EML6: variants seen among roughly 807,000 people sequenced by gnomAD.
EML6 encodes the protein echinoderm microtubule-associated protein-like 6.
EML6 carries 154 observed loss-of-function variants against 240.1 expected under a neutral mutation model. The observed-to-expected ratio is 0.64, with a 90% CI of 0.56 to 0.73. The LOEUF is 0.73. Ranked by LOEUF, EML6 falls within the 30% of genes least tolerant of loss-of-function variation. The probability of loss-of-function intolerance (pLI) is 0.00; values close to 1 mark genes in which losing one functional copy is unlikely to be tolerated. For synonymous variants in EML6, 1,148 were observed against 899.0 expected (o/e 1.28, Z -4.95); for missense variants, 2,964 against 2,474.6 (o/e 1.20, Z -4.20).
chr2:54,933,751 C>G (rs900386643), intron 28 of EML6, among the ~76,000 whole-genome samples: 2 of 151,696 alleles, frequency 1.3e-5, no homozygotes, highest in Non-Finnish European at 2.9e-5. Flanking sequence ...GAAAAAAAAA[C>G]CCACTAAAAA....
At chr2:54,850,276 G>A (rs1235313519) in intron 10 of EML6, 58 bp downstream of exon 10, 12 of 1,453,298 alleles carry the variant, frequency 8.3e-6, no homozygotes, top group Non-Finnish European at 1.0e-5. Flanking sequence ...ACCAGGTGAA[G>A]GAAATACAGG....
intron 2 of EML6, among the ~76,000 whole-genome samples, chr2:54,790,417 T>C (rs186254044): frequency 5.3e-5 from 8 of 152,340 alleles, no homozygotes; most frequent in Admixed American, 4.6e-4. Context: ...TGAGCTGTAC[T>C]CTGAATTGCA....
chr2:54,735,026 A>G (rs925784982), intron 2 of EML6, among the ~76,000 whole-genome samples: 1 of 152,134 alleles, frequency 6.6e-6, no homozygotes, highest in Non-Finnish European at 1.5e-5. Context: ...TGAATCTGGC[A>G]TCCTATTTTG....
intron 20 of EML6, 116 bp downstream of exon 20, chr2:54,895,142 ACT>A (rs1672695453): frequency 1.5e-6 from 2 of 1,313,668 alleles, no homozygotes; most frequent in African/African-American, 3.0e-5. Context: ...CATGTTTAGA[ACT>A]CTCTTCCTCT....
chr2:54,785,504 C>T (rs1669042372), intron 2 of EML6, among the ~76,000 whole-genome samples: 2 of 152,232 alleles, frequency 1.3e-5, no homozygotes, highest in African/African-American at 4.8e-5. Flanking sequence ...TTAAGGGATA[C>T]TCACAACACT....
At position 54,899,786 on chromosome 2, in the gene EML6, C is replaced by T; in HGVS notation, c.3124+4C>T. 1.3e-6 allele frequency: 2 copies of T among 1,549,510 alleles called. No individual in the cohort carries two copies. Among genetic ancestry groups the T allele is most frequent in the Non-Finnish European group, 1.7e-6 (2 of 1,145,704 alleles). On this transcript the variant is annotated splice_donor_region_variant and intron_variant, in intron 22 of 41. Coordinates refer to ENST00000356458, the MANE Select transcript of EML6 (RefSeq NM_001039753.4). ...GCAGTACGGAAACTCAAAAAAGGTA[C>T]ATAACACCACCTTACACATCTGTCA...
chr2:54,917,260 A>G (rs1216998031), intron 26 of EML6, among the ~76,000 whole-genome samples: 6 of 152,170 alleles, frequency 3.9e-5, no homozygotes, highest in Non-Finnish European at 7.4e-5. Flanking sequence ...TGAGGAACTT[A>G]ATATCACACA....
intron 2 of EML6, among the ~76,000 whole-genome samples, chr2:54,744,162 GT>G (rs1441060745): frequency 6.6e-6 from 1 of 152,068 alleles, no homozygotes; most frequent in Non-Finnish European, 1.5e-5. Context: ...AAATAATAAT[GT>G]AGCACACTTA....
At position 54,822,989 on chromosome 2, in the gene EML6, C is replaced by T. The variant is rs1668400034; in HGVS notation, c.525+2527C>T. 2.0e-5 allele frequency among the ~76,000 whole-genome samples: 3 copies of T among 152,160 alleles called. No individual in the cohort carries two copies. In the South Asian group the frequency reaches 6.2e-4, roughly 31 times the overall value. On this transcript the variant is annotated intron_variant, in intron 5 of 41. Coordinates refer to ENST00000356458, the MANE Select transcript of EML6 (RefSeq NM_001039753.4). ...AATCTAGGAAAACATCAGCTGAAAT[C>T]TAGGTAGTTTGCTTTATTAGCAGCA...
chr2:54,867,154 G>T (rs1429021955), intron 14 of EML6: 14 of 248,880 alleles, frequency 5.6e-5, no homozygotes. Context: ...GGGTGCTGCT[G>T]CTCATTGCTG....
At chr2:54,920,858 G>C (rs1284897511) in intron 26 of EML6, among the ~76,000 whole-genome samples, 1 of 152,094 alleles carries the variant, frequency 6.6e-6, no homozygotes, top group Non-Finnish European at 1.5e-5. Context: ...TTCGACATAT[G>C]CAAGTCAGTA....
chr2:54,878,388 C>G (rs900091552), intron 16 of EML6, among the ~76,000 whole-genome samples: 1 of 152,172 alleles, frequency 6.6e-6, no homozygotes, highest in Non-Finnish European at 1.5e-5. Context: ...AGCTTGATCA[C>G]TCGTCTCCTA....
chr2:54,791,792 G>T (rs1001323949), intron 2 of EML6, among the ~76,000 whole-genome samples: 1 of 152,108 alleles, frequency 6.6e-6, no homozygotes, highest in Admixed American at 6.6e-5. Context: ...TCCAGCCCTG[G>T]ATTATACTAC....
chr2:54,855,042 T>G (rs1218905131), intron 11 of EML6, among the ~76,000 whole-genome samples: 1 of 152,220 alleles, frequency 6.6e-6, no homozygotes, highest in East Asian at 1.9e-4. Flanking sequence ...CCCAAGTCTT[T>G]TAAGGTGTGC....
At chr2:54,823,679 A>G (rs1668434838) in intron 5 of EML6, among the ~76,000 whole-genome samples, 1 of 152,072 alleles carries the variant, frequency 6.6e-6, no homozygotes, top group Non-Finnish European at 1.5e-5. Context: ...GTTTCTGGAA[A>G]TCTGGGACCC....
In EML6 at chr2:54,970,854, G is replaced by T. The variant is rs563559898; in HGVS notation, c.*759G>T. The stretch of plus-strand genomic sequence containing the variant: ...CAAGGCTTCCTAAATGAAAGACATC[G>T]GTTACCTGCTTATGGGAAGGTGAGC... On this transcript the variant is annotated 3_prime_UTR_variant, in exon 42 of 42. Coordinates refer to ENST00000356458, the MANE Select transcript of EML6 (RefSeq NM_001039753.4). 1.3e-5 allele frequency: 2 copies of T among 152,168 alleles called. No individual in the cohort carries two copies. The highest frequency in any genetic ancestry group is 2.4e-5 in the African/African-American group (1 of 41,434). The allele number at this position is 152,168 out of a possible 1,614,324, so 9.4% of individuals were successfully genotyped here.
intron 17 of EML6, chr2:54,879,874 T>G (rs1671724853): frequency 7.8e-6 from 4 of 512,030 alleles, no homozygotes; most frequent in Non-Finnish European, 1.0e-5. Flanking sequence ...AGAGAGTCAT[T>G]CACCGCTTCA....
chr2:54,947,701 G>A (rs576325120), intron 28 of EML6, among the ~76,000 whole-genome samples: 1 of 152,284 alleles, frequency 6.6e-6, no homozygotes, highest in South Asian at 2.1e-4. Context: ...GTCCCCGGGC[G>A]CATTCGTAAA....
chr2:54,883,219 C>G (rs924234133), intron 17 of EML6, among the ~76,000 whole-genome samples: 9 of 152,066 alleles, frequency 5.9e-5, no homozygotes, highest in Admixed American at 2.6e-4. Context: ...GTGTATTTTT[C>G]TAGTATTTGT....
Sources: allele counts gnomAD v4.1 joint callset (sites outside exome capture counted in the v4.1 genomes callset), GRCh38; gene constraint gnomAD v4.1.1; transcripts MANE v1.5; gene names NCBI Gene and HGNC (gene_info 2026-07-23, HGNC 2026-07-21).